Variants in CXCL13 observed in about 807,000 individuals in gnomAD.
CXCL13 encodes the protein C-X-C motif chemokine ligand 13.
A neutral mutation model predicts 12.2 loss-of-function variants in CXCL13; 7 were observed. The observed-to-expected ratio is 0.57, with a 90% CI of 0.33 to 1.07. The LOEUF (loss-of-function observed/expected upper bound fraction) is 1.07. CXCL13 is among the 50% of genes least tolerant of loss of function. CXCL13 has a pLI of 0.04. For synonymous variants in CXCL13, 47 were observed against 42.4 expected (o/e 1.11, Z -0.42); for missense variants, 113 against 127.4 (o/e 0.89, Z 0.55).
chr4:77,610,722 G>A, intron 3 of CXCL13, 28 bp downstream of exon 3: 2 of 1,524,106 alleles, frequency 1.3e-6, no homozygotes, highest in Non-Finnish European at 1.8e-6. Context: ...AGGGGTTTCA[G>A]ATTCCAACTT....
At chr4:77,608,167 G>A (rs571223828) in intron 2 of CXCL13, among the ~76,000 whole-genome samples, 63 of 152,240 alleles carry the variant, frequency 4.1e-4, no homozygotes, top group Admixed American at 3.0e-3. Context: ...GTGGCCAGGC[G>A]TGGTGGCTCA....
intron 1 of CXCL13, among the ~76,000 whole-genome samples, chr4:77,590,174 A>G (rs1192661108): frequency 6.6e-6 from 1 of 152,218 alleles, no homozygotes; most frequent in African/African-American, 2.4e-5. Flanking sequence ...GAAGAGGATA[A>G]TATCCTAAAT....
intron 1 of CXCL13, among the ~76,000 whole-genome samples, chr4:77,512,245 G>A (rs1314301339): frequency 6.6e-6 from 1 of 152,168 alleles, no homozygotes; most frequent in East Asian, 1.9e-4. Flanking sequence ...GTTTAGTGTA[G>A]TTACAGCATT....
intron 1 of CXCL13, among the ~76,000 whole-genome samples, chr4:77,573,846 C>T (rs1052718124): frequency 1.3e-5 from 2 of 151,878 alleles, no homozygotes; most frequent in Non-Finnish European, 2.9e-5. Flanking sequence ...CCATGGATAG[C>T]TTCTGATTTC....
At chr4:77,601,937 T>C (rs929327172), upstream of CXCL13, among the ~76,000 whole-genome samples, 1 of 152,236 alleles carries the variant, frequency 6.6e-6, no homozygotes, top group Non-Finnish European at 1.5e-5. Flanking sequence ...AATACTTTTC[T>C]ATTGTGCTGA....
At chr4:77,552,959 A>C (rs1483196754) in intron 1 of CXCL13, among the ~76,000 whole-genome samples, 1 of 152,176 alleles carries the variant, frequency 6.6e-6, no homozygotes, top group Non-Finnish European at 1.5e-5. Context: ...GCCCCGCTGC[A>C]CCACCATCTA....
chr4:77,518,257 C>G (rs889625434), intron 1 of CXCL13, among the ~76,000 whole-genome samples: 1 of 152,186 alleles, frequency 6.6e-6, no homozygotes, highest in Non-Finnish European at 1.5e-5. Flanking sequence ...TTTGGTAAAT[C>G]TGACAATTCT....
chr4:77,523,614 A>T (rs1306779953), intron 1 of CXCL13, among the ~76,000 whole-genome samples: 1 of 152,078 alleles, frequency 6.6e-6, no homozygotes, highest in East Asian at 1.9e-4. Context: ...CATTTGTCTA[A>T]CTTTTTTCAC....
At chr4:77,575,506 C>A (rs1239841099) in intron 1 of CXCL13, among the ~76,000 whole-genome samples, 1 of 151,610 alleles carries the variant, frequency 6.6e-6, no homozygotes, top group East Asian at 1.9e-4. Flanking sequence ...TCCATGTGTT[C>A]TCATTGTTCA....
intron 1 of CXCL13, among the ~76,000 whole-genome samples, chr4:77,571,889 C>G (rs1026976210): frequency 6.6e-6 from 1 of 151,668 alleles, no homozygotes; most frequent in African/African-American, 2.4e-5. Context: ...GCCCTGCGAG[C>G]CCACGAGCCC....
At chr4:77,550,762 G>A (rs993269327) in intron 1 of CXCL13, among the ~76,000 whole-genome samples, 1 of 152,104 alleles carries the variant, frequency 6.6e-6, no homozygotes, top group African/African-American at 2.4e-5. Context: ...CTTTTCATAG[G>A]TCTAGAACTA....
At chr4:77,561,730 C>G (rs1372664508) in intron 1 of CXCL13, among the ~76,000 whole-genome samples, 2 of 152,216 alleles carry the variant, frequency 1.3e-5, no homozygotes, top group Non-Finnish European at 2.9e-5. Flanking sequence ...GTGCTGGCAG[C>G]CCTTGCAGCC....
chr4:77,531,034 C>T (rs1411970397), intron 1 of CXCL13, among the ~76,000 whole-genome samples: 1 of 150,842 alleles, frequency 6.6e-6, no homozygotes, highest in African/African-American at 2.4e-5. Context: ...CGTTATGTAC[C>T]CAGTAGTCAT....
chr4:77,611,117 C>A lies in CXCL13; in HGVS notation c.*78C>A. 6.5e-6 allele frequency: 8 copies of A among 1,231,540 alleles called. No homozygotes were observed. Among genetic ancestry groups the A allele is most frequent in the Non-Finnish European group, 9.3e-6 (8 of 863,558 alleles). The allele number at this position is 1,231,540 out of a possible 1,614,324, so 76.3% of individuals were successfully genotyped here. ...ATTTTAGTTTTGTGCTTAGTTAAAT[C>A]TTTTCCAGGAAAAAGAACTTCCCCA... On this transcript the variant is annotated 3_prime_UTR_variant, in exon 4 of 4. Transcript: ENST00000682537.
chr4:77,605,630 T>C (rs571986101), upstream of CXCL13, among the ~76,000 whole-genome samples: 2 of 152,312 alleles, frequency 1.3e-5, no homozygotes, highest in African/African-American at 4.8e-5. Context: ...TAGTCCATGT[T>C]TGCAAGAAAT....
intron 1 of CXCL13, among the ~76,000 whole-genome samples, chr4:77,558,654 G>T (rs1239953181): frequency 6.6e-6 from 1 of 152,146 alleles, no homozygotes; most frequent in Non-Finnish European, 1.5e-5. Context: ...CACTCAGCTG[G>T]AGTAAACCAC....
At chr4:77,566,759 G>A (rs1371080905) in intron 1 of CXCL13, among the ~76,000 whole-genome samples, 1 of 152,114 alleles carries the variant, frequency 6.6e-6, no homozygotes, top group African/African-American at 2.4e-5. Flanking sequence ...TTTATAGCAA[G>A]GAGTAAAACT....
At chr4:77,530,970 T>C (rs1724899775) in intron 1 of CXCL13, among the ~76,000 whole-genome samples, 1 of 152,040 alleles carries the variant, frequency 6.6e-6, no homozygotes, top group Admixed American at 6.5e-5. Flanking sequence ...TTCTGGTATC[T>C]TGTGTCTTTG....
At chr4:77,558,762 A>C (rs1319466103) in intron 1 of CXCL13, among the ~76,000 whole-genome samples, 10 of 152,218 alleles carry the variant, frequency 6.6e-5, no homozygotes, top group Admixed American at 5.2e-4. Context: ...TTACTCAACA[A>C]AGGCCCTGAC....
Sources: gnomAD v4.1 joint callset for allele counts (sites outside exome capture counted in the v4.1 genomes callset) on GRCh38, gnomAD v4.1.1 for gene constraint, MANE v1.5 for transcripts, NCBI Gene and HGNC (gene_info 2026-07-23, HGNC 2026-07-21) for gene names.